PAG1: variants seen among roughly 807,000 people sequenced by gnomAD.
The protein encoded by PAG1 is phosphoprotein associated with glycosphingolipid-enriched microdomains 1.
PAG1 carries 23 observed loss-of-function variants against 31.7 expected under a neutral mutation model. That is an observed-to-expected ratio of 0.73 (90% CI 0.52 to 1.03). The LOEUF is 1.03. Ranked by LOEUF, PAG1 falls within the 50% of genes least tolerant of loss-of-function variation. PAG1 has a pLI of 0.00. For missense variants in PAG1, 473 were observed against 540.7 expected, an observed-to-expected ratio of 0.87 and a Z score of 1.24; for synonymous variants, 214 against 210.3, an observed-to-expected ratio of 1.02 and a Z score of -0.15.
chr8:81,088,918 T>A (rs1221483773), intron 1 of PAG1, among the ~76,000 whole-genome samples: 1 of 152,252 alleles, frequency 6.6e-6, no homozygotes, highest in Non-Finnish European at 1.5e-5. Context: ...TAATAGCTGA[T>A]CTATTTGTTT....
At chr8:80,988,490 T>A (rs1475278579) in intron 5 of PAG1, among the ~76,000 whole-genome samples, 1 of 152,194 alleles carries the variant, frequency 6.6e-6, no homozygotes, top group Non-Finnish European at 1.5e-5. Flanking sequence ...AGATGAGGTC[T>A]CACCTTGTTG....
At chr8:80,983,611 G>A (rs1418693456) in intron 7 of PAG1, among the ~76,000 whole-genome samples, 2 of 152,174 alleles carry the variant, frequency 1.3e-5, no homozygotes, top group African/African-American at 4.8e-5. Flanking sequence ...TATTGTGGAA[G>A]GATAATTTTA....
intron 1 of PAG1, among the ~76,000 whole-genome samples, chr8:81,110,983 T>G (rs13438795): frequency 0.029 from 4,377 of 152,356 alleles, 217 homozygotes; most frequent in African/African-American, 0.099. Context: ...TGTCATTATC[T>G]GAATCCTATT....
At chr8:81,086,607 A>C (rs559625558) in intron 1 of PAG1, among the ~76,000 whole-genome samples, 1 of 152,188 alleles carries the variant, frequency 6.6e-6, no homozygotes, top group Non-Finnish European at 1.5e-5. Context: ...GGAATATATA[A>C]AAATGCCTAC....
At chr8:80,992,956 CAG>C in intron 4 of PAG1, 145 bp downstream of exon 4, 1 of 619,258 alleles carries the variant, frequency 1.6e-6, no homozygotes, top group East Asian at 2.9e-5. Flanking sequence ...CGCTCTGCAG[CAG>C]AGAGAAGAGA....
At chr8:81,075,877 A>G (rs372170686) in intron 1 of PAG1, among the ~76,000 whole-genome samples, 2 of 152,240 alleles carry the variant, frequency 1.3e-5, no homozygotes, top group African/African-American at 2.4e-5. Flanking sequence ...AGGTGTAAAC[A>G]AGGGTCTCTA....
intron 1 of PAG1, among the ~76,000 whole-genome samples, chr8:81,098,529 G>T (rs1411139040): frequency 6.6e-6 from 1 of 152,168 alleles, no homozygotes; most frequent in Non-Finnish European, 1.5e-5. Context: ...GGGCTTCTGA[G>T]CATGAGTCTG....
intron 2 of PAG1, among the ~76,000 whole-genome samples, chr8:81,046,380 T>C (rs893206265): frequency 1.3e-5 from 2 of 152,200 alleles, no homozygotes; most frequent in Non-Finnish European, 2.9e-5. Flanking sequence ...ATGATGTGAA[T>C]ACTTGTCACA....
At chr8:81,025,219 C>A (rs1033318759) in intron 3 of PAG1, among the ~76,000 whole-genome samples, 3 of 151,986 alleles carry the variant, frequency 2.0e-5, no homozygotes, top group Non-Finnish European at 2.9e-5. Flanking sequence ...TTTTCACCCA[C>A]CTGAGAAAAT....
At chr8:80,997,055 C>CT (rs1282584993) in intron 3 of PAG1, among the ~76,000 whole-genome samples, 6 of 152,158 alleles carry the variant, frequency 3.9e-5, no homozygotes, top group African/African-American at 1.4e-4. Flanking sequence ...TGTCCTGTGA[C>CT]ATGGTTATGG....
intron 1 of PAG1, among the ~76,000 whole-genome samples, chr8:81,108,465 A>G (rs4377918): frequency 0.64 from 97,255 of 152,038 alleles, 34,020 homozygotes; most frequent in East Asian, 1. Context: ...TTGAGCATTT[A>G]TATTGAAGCA....
intron 3 of PAG1, among the ~76,000 whole-genome samples, chr8:80,995,290 C>T (rs528255648): frequency 4.8e-4 from 73 of 152,280 alleles, no homozygotes; most frequent in African/African-American, 1.5e-3. Flanking sequence ...GGACTCCCTG[C>T]GTAATACAGA....
At chr8:81,079,168 T>A (rs1809224797) in intron 1 of PAG1, among the ~76,000 whole-genome samples, 1 of 151,914 alleles carries the variant, frequency 6.6e-6, no homozygotes, top group Non-Finnish European at 1.5e-5. Context: ...ACTCCTTGAT[T>A]TCCCCCCCTT....
rs144194873 is a variant in PAG1 at position 81,043,980 on chromosome 8, C to T, written c.-174-13891G>A. ...ATTTCTTTTTCTTCTTCTTTTTAAA[C>T]TTGAAGAATCTGGAGTGTGAAGGAT... is the stretch of plus-strand genomic sequence containing the variant. On this transcript the variant is annotated intron_variant, in intron 2 of 8. Coordinates refer to ENST00000220597, the MANE Select transcript of PAG1 (RefSeq NM_018440.4). Among the ~76,000 whole-genome samples the T allele has an allele frequency of 1.9e-3, 287 of 152,240 alleles. 1 individual carries two copies. The highest frequency in any genetic ancestry group is 4.2e-3 in the African/African-American group (176 of 41,526).
intron 8 of PAG1, among the ~76,000 whole-genome samples, chr8:80,979,017 G>C (rs1457844366): frequency 6.6e-6 from 1 of 152,058 alleles, no homozygotes; most frequent in African/African-American, 2.4e-5. Context: ...TTAAAGCTCA[G>C]ATCTCAGCTT....
At chr8:81,003,604 T>C (rs546234819) in intron 3 of PAG1, among the ~76,000 whole-genome samples, 57 of 152,320 alleles carry the variant, frequency 3.7e-4, no homozygotes, top group African/African-American at 1.3e-3. Flanking sequence ...TCTTTTCCAC[T>C]GAATTGCTGT....
rs1480157358 is a variant in PAG1, at chr8:80,968,206, A to T, written c.*8338T>A. 6.6e-6 allele frequency: 1 copy of T among 152,222 alleles called. No individual in the cohort carries two copies. The highest frequency in any genetic ancestry group is 1.5e-5 in the Non-Finnish European group (1 of 68,034). The allele number at this position is 152,222 out of a possible 1,614,324, so 9.4% of individuals were successfully genotyped here. On this transcript the variant is annotated 3_prime_UTR_variant, in exon 9 of 9. Coordinates refer to ENST00000220597, the MANE Select transcript of PAG1 (RefSeq NM_018440.4). ...TTAAAAACACAACTTCAATTTATATAGCACCTTTCTTCCGAAGAGTTGAAA... is the reference window on the plus strand; with the variant it reads ...TTAAAAACACAACTTCAATTTATATTGCACCTTTCTTCCGAAGAGTTGAAA...
chr8:81,037,302 T>A (rs1808477385), intron 2 of PAG1: 1 of 152,192 alleles, frequency 6.6e-6, no homozygotes, highest in Non-Finnish European at 1.5e-5. Flanking sequence ...CATACATTGA[T>A]TTTTTTAAAA....
At chr8:81,028,338 T>C (rs1190356419) in intron 3 of PAG1, among the ~76,000 whole-genome samples, 1 of 152,242 alleles carries the variant, frequency 6.6e-6, no homozygotes, top group Non-Finnish European at 1.5e-5. Flanking sequence ...TCAATGCACA[T>C]CTTTAAATGC....
Sources: gnomAD v4.1 joint callset for allele counts (sites outside exome capture counted in the v4.1 genomes callset) on GRCh38, gnomAD v4.1.1 for gene constraint, MANE v1.5 for transcripts, NCBI Gene and HGNC (gene_info 2026-07-23, HGNC 2026-07-21) for gene names.